The following NTM variants were observed in gnomAD, a reference collection of about 807,000 sequenced individuals.
The protein encoded by NTM is IgLON family member 2.
In NTM, 13 loss-of-function variants were observed where a neutral mutation model predicts 42.1. The observed-to-expected ratio is 0.31, with a 90% CI of 0.20 to 0.49. NTM has a LOEUF of 0.49. Among genes scored for constraint, NTM ranks in the 20% least tolerant of loss-of-function variants. The pLI, the probability that NTM is intolerant of heterozygous loss-of-function variation, is 0.99. For missense variants in NTM, 373 were observed against 452.8 expected (o/e 0.82, Z 1.60); for synonymous variants, 187 against 179.2 (o/e 1.04, Z -0.35).
intron 1 of NTM, among the ~76,000 whole-genome samples, chr11:131,870,148 C>T (rs2137067906): frequency 6.6e-6 from 1 of 152,208 alleles, no homozygotes; most frequent in African/African-American, 2.4e-5. Flanking sequence ...CTTGTGAAGG[C>T]AAAAGCTTAG....
Position 132,218,563 on chromosome 11 carries a change from C to A in NTM, c.526+6416C>A, listed in dbSNP as rs567715951. ...GCTATTTGTCAGGGCAGGCTCTCTA[C>A]CTAGGGTATCTCCTGCACTGCCAGC... On this transcript the variant is annotated intron_variant, in intron 4 of 8. Coordinates refer to ENST00000683400, the MANE Select transcript of NTM (RefSeq NM_001352005.2). Among the ~76,000 whole-genome samples, 4 of 152,254 alleles carry A rather than the reference C, an allele frequency of 2.6e-5. No individual in the cohort carries two copies. The South Asian group carries it at 8.3e-4, about 32-fold the overall frequency.
chr11:131,873,588 G>GTA (rs1411565223), intron 1 of NTM, among the ~76,000 whole-genome samples: 1 of 35,572 alleles, frequency 2.8e-5, no homozygotes, highest in Non-Finnish European at 6.9e-5. Context: ...TATATATACC[G>GTA]TATATATATA....
At chr11:131,736,777 C>T (rs191982770) in intron 1 of NTM, among the ~76,000 whole-genome samples, 10 of 152,162 alleles carry the variant, frequency 6.6e-5, no homozygotes, top group East Asian at 1.9e-4. Context: ...TAAGGGGAGA[C>T]GAGGGAGACA....
intron 1 of NTM, among the ~76,000 whole-genome samples, chr11:131,775,626 T>A (rs73595119): frequency 0.085 from 12,909 of 152,218 alleles, 1,893 homozygotes; most frequent in African/African-American, 0.29. Context: ...TTTTGATAAT[T>A]TCTTCCATCC....
intron 2 of NTM, among the ~76,000 whole-genome samples, chr11:131,971,064 T>C (rs1424770967): frequency 6.6e-6 from 1 of 152,120 alleles, no homozygotes; most frequent in Non-Finnish European, 1.5e-5. Context: ...ATGAGAAATT[T>C]CCCTAGTTTC....
intron 1 of NTM, among the ~76,000 whole-genome samples, chr11:131,848,915 A>G (rs573791489): frequency 1.3e-4 from 20 of 152,314 alleles, no homozygotes; most frequent in East Asian, 3.9e-4. Flanking sequence ...TTACTTGTCA[A>G]TGTTTCCAGA....
At chr11:131,704,910 A>G (rs1314424596) in intron 1 of NTM, among the ~76,000 whole-genome samples, 1 of 152,148 alleles carries the variant, frequency 6.6e-6, no homozygotes, top group Non-Finnish European at 1.5e-5. Context: ...GGTCATTTGA[A>G]ATTACCCAGG....
At chr11:131,811,238 C>G (rs2092717499) in intron 1 of NTM, among the ~76,000 whole-genome samples, 1 of 152,100 alleles carries the variant, frequency 6.6e-6, no homozygotes, top group Non-Finnish European at 1.5e-5. Flanking sequence ...GGAGGACTGT[C>G]CTTAGAAGAA....
intron 1 of NTM, among the ~76,000 whole-genome samples, chr11:131,884,248 A>G (rs1451174386): frequency 1.3e-5 from 2 of 152,112 alleles, no homozygotes; most frequent in African/African-American, 4.8e-5. Flanking sequence ...TATCTCTACT[A>G]AAAATACAAA....
intron 1 of NTM, among the ~76,000 whole-genome samples, chr11:131,789,475 G>GA (rs1387785802): frequency 2.5e-4 from 3 of 11,902 alleles, no homozygotes; most frequent in South Asian, 3.3e-3. Flanking sequence ...AGAAGAAGAA[G>GA]AAGAAGAAGA....
intron 1 of NTM, among the ~76,000 whole-genome samples, chr11:131,554,661 C>T (rs1187340187): frequency 6.6e-6 from 1 of 152,030 alleles, no homozygotes; most frequent in Non-Finnish European, 1.5e-5. Context: ...TCAGATAATT[C>T]ACAGGTGGGA....
intron 2 of NTM, among the ~76,000 whole-genome samples, chr11:132,032,411 C>T (rs1011092784): frequency 1.3e-5 from 2 of 152,246 alleles, no homozygotes; most frequent in African/African-American, 4.8e-5. Context: ...AGGAGCTGCA[C>T]ACTTCATTGT....
chr11:131,604,335 G>A (rs1401705321), intron 1 of NTM, among the ~76,000 whole-genome samples: 1 of 152,048 alleles, frequency 6.6e-6, no homozygotes, highest in Non-Finnish European at 1.5e-5. Context: ...TAACTTTGGA[G>A]GTAGGACTAT....
chr11:131,975,647 C>T (rs1023172458), intron 2 of NTM, among the ~76,000 whole-genome samples: 2 of 152,148 alleles, frequency 1.3e-5, no homozygotes, highest in African/African-American at 4.8e-5. Flanking sequence ...CCCTATTTAA[C>T]GGTGTGTTTG....
rs140572016 is a variant in NTM, at chr11:131,988,406, G to T, written c.167+76758G>T. Among the ~76,000 whole-genome samples, 31 of 152,286 alleles carry T rather than the reference G, an allele frequency of 2.0e-4. 1 individual carries two copies. In the East Asian group the frequency reaches 6.0e-3, roughly 29 times the overall value. On this transcript the variant is annotated intron_variant, in intron 2 of 8. Coordinates refer to ENST00000683400, the MANE Select transcript of NTM (RefSeq NM_001352005.2). The stretch of plus-strand genomic sequence containing the variant: ...CTCCATTCCACTGTCAGAGGAATTG[G>T]TGGTCTGATCTGGCATCCTGGGGAC...
intron 2 of NTM, among the ~76,000 whole-genome samples, chr11:132,014,849 C>T (rs1481101698): frequency 2.1e-5 from 3 of 144,838 alleles, no homozygotes; most frequent in African/African-American, 7.7e-5. Flanking sequence ...GGTGTCTCTT[C>T]ACTCTGTTGA....
intron 1 of NTM, among the ~76,000 whole-genome samples, chr11:131,682,383 C>T (rs189808323): frequency 2.6e-5 from 4 of 152,296 alleles, no homozygotes; most frequent in Admixed American, 2.0e-4. Flanking sequence ...TCTGCAAGGA[C>T]CCCGAAGGAC....
At chr11:132,280,277 A>G (rs377271153) in intron 4 of NTM, among the ~76,000 whole-genome samples, 1 of 152,126 alleles carries the variant, frequency 6.6e-6, no homozygotes, top group East Asian at 1.9e-4. Context: ...TTTATCTTGA[A>G]GGCTGTGTTG....
At chr11:132,012,802 T>C (rs2072517875) in intron 2 of NTM, among the ~76,000 whole-genome samples, 1 of 152,150 alleles carries the variant, frequency 6.6e-6, no homozygotes, top group South Asian at 2.1e-4. Flanking sequence ...AAGAAGGGGC[T>C]AGAAGAAGGA....
Sources: gnomAD v4.1 joint callset for allele counts (sites outside exome capture counted in the v4.1 genomes callset) on GRCh38, gnomAD v4.1.1 for gene constraint, MANE v1.5 for transcripts, NCBI Gene and HGNC (gene_info 2026-07-23, HGNC 2026-07-21) for gene names.